CHCHD3: variants seen among roughly 807,000 people sequenced by gnomAD.
The protein encoded by CHCHD3 is MICOS complex subunit MIC19.
In CHCHD3, 20 loss-of-function variants were observed where a neutral mutation model predicts 38.2. The ratio of observed to expected loss-of-function variants is 0.52; its 90% CI spans 0.37 to 0.76. The LOEUF is 0.76. Ranked by LOEUF, CHCHD3 falls within the 30% of genes least tolerant of loss-of-function variation. CHCHD3 has a pLI of 0.00. For missense variants in CHCHD3, 245 were observed against 279.2 expected (o/e 0.88, Z 0.87); for synonymous variants, 82 against 100.0 (o/e 0.82, Z 1.07).
rs201223909 is a variant in CHCHD3 at position 133,070,098 on chromosome 7, A to G, written c.169+44T>C. Reference sequence around the variant, plus strand: ...ACTATTGAGTCAACTTTTTCCACTTATAATTTATCTCCTAAAAACCCTAAA... The same window carrying G: ...ACTATTGAGTCAACTTTTTCCACTTGTAATTTATCTCCTAAAAACCCTAAA... On this transcript the variant is annotated intron_variant, in intron 2 of 7. Transcript: ENST00000262570. 9 of 1,464,978 alleles carry G rather than the reference A, an allele frequency of 6.1e-6. No homozygotes were observed. The East Asian group carries it at 2.1e-4, about 33-fold the overall frequency. The allele number at this position is 1,464,978 out of a possible 1,614,324, so 90.7% of individuals were successfully genotyped here.
chr7:132,965,441 T>G (rs1037032643), intron 4 of CHCHD3, among the ~76,000 whole-genome samples: 11 of 148,136 alleles, frequency 7.4e-5, no homozygotes, highest in African/African-American at 2.7e-4. Context: ...AGTTGAAGGC[T>G]CTTAGTTAAA....
At chr7:133,067,255 C>T (rs576150066) in intron 2 of CHCHD3, among the ~76,000 whole-genome samples, 11 of 151,246 alleles carry the variant, frequency 7.3e-5, no homozygotes, top group South Asian at 4.2e-4. Context: ...ACGCTAACTC[C>T]GTAACACAGG....
intron 2 of CHCHD3, among the ~76,000 whole-genome samples, chr7:133,032,810 A>T (rs999628192): frequency 4.6e-5 from 7 of 152,188 alleles, no homozygotes; most frequent in African/African-American, 1.7e-4. Flanking sequence ...TAAGATCTAT[A>T]ATTTAAATTA....
chr7:132,862,530 G>T (rs1048572797), intron 5 of CHCHD3, among the ~76,000 whole-genome samples: 10 of 152,150 alleles, frequency 6.6e-5, no homozygotes, highest in Admixed American at 4.6e-4. Context: ...CTGGTGGAGG[G>T]TCTTATCTCG....
At chr7:132,802,249 G>A (rs183704447) in intron 6 of CHCHD3, among the ~76,000 whole-genome samples, 20 of 152,238 alleles carry the variant, frequency 1.3e-4, no homozygotes, top group African/African-American at 3.4e-4. Context: ...ATGTGGCCAC[G>A]TGACAGCTGG....
intron 4 of CHCHD3, among the ~76,000 whole-genome samples, chr7:132,904,862 C>CATT (rs1416735771): frequency 6.6e-6 from 1 of 152,122 alleles, no homozygotes; most frequent in African/African-American, 2.4e-5. Flanking sequence ...CAATGATAGA[C>CATT]TGGATTAAGA....
chr7:132,864,752 C>A (rs1445074440), intron 5 of CHCHD3, among the ~76,000 whole-genome samples: 2 of 152,000 alleles, frequency 1.3e-5, no homozygotes, highest in East Asian at 3.9e-4. Flanking sequence ...TCTTTCCATG[C>A]CGAGATATGT....
intron 4 of CHCHD3, among the ~76,000 whole-genome samples, chr7:132,918,302 C>G (rs1228104365): frequency 6.6e-6 from 1 of 152,138 alleles, no homozygotes; most frequent in African/African-American, 2.4e-5. Flanking sequence ...TCATGGGCTA[C>G]CCAGGCTTTA....
At chr7:132,849,797 T>C (rs1355685798) in intron 5 of CHCHD3, among the ~76,000 whole-genome samples, 1 of 152,182 alleles carries the variant, frequency 6.6e-6, no homozygotes, top group African/African-American at 2.4e-5. Flanking sequence ...GCCTGCAATG[T>C]TGATGTGATG....
intron 6 of CHCHD3, among the ~76,000 whole-genome samples, chr7:132,803,553 G>A (rs1380050329): frequency 6.6e-6 from 1 of 151,878 alleles, no homozygotes; most frequent in Non-Finnish European, 1.5e-5. Flanking sequence ...GAGGCTTTGT[G>A]AGTTATTTCC....
At chr7:132,966,156 T>C (rs1470156442) in intron 4 of CHCHD3, among the ~76,000 whole-genome samples, 3 of 152,218 alleles carry the variant, frequency 2.0e-5, no homozygotes, top group Non-Finnish European at 2.9e-5. Flanking sequence ...AAATGAGGTA[T>C]GTAATAAATA....
chr7:132,995,094 T>A (rs960503081), intron 3 of CHCHD3, among the ~76,000 whole-genome samples: 4 of 152,242 alleles, frequency 2.6e-5, no homozygotes, highest in South Asian at 2.1e-4. Flanking sequence ...CTAGATTTTT[T>A]AATTTTCACC....
intron 4 of CHCHD3, among the ~76,000 whole-genome samples, chr7:132,909,323 G>A (rs1204782942): frequency 2.6e-5 from 4 of 151,960 alleles, no homozygotes; most frequent in East Asian, 3.9e-4. Context: ...GTGAAACCCC[G>A]TCTCTAATAA....
chr7:132,893,356 C>T (rs991246921), intron 4 of CHCHD3, among the ~76,000 whole-genome samples: 4 of 152,146 alleles, frequency 2.6e-5, no homozygotes, highest in African/African-American at 7.2e-5. Flanking sequence ...GGAATGAGAG[C>T]GCTTACCCAA....
intron 5 of CHCHD3, chr7:132,844,923 C>G (rs541145781): frequency 1.4e-4 from 21 of 152,338 alleles, no homozygotes; most frequent in African/African-American, 4.6e-4. Context: ...CAATCTAAGG[C>G]ACCATGGATC....
chr7:133,046,179 G>T (rs1181951735), intron 2 of CHCHD3, among the ~76,000 whole-genome samples: 1 of 152,150 alleles, frequency 6.6e-6, no homozygotes, highest in Non-Finnish European at 1.5e-5. Context: ...TTATAAACAT[G>T]AGAGACCGGT....
chr7:132,842,784 C>T (rs780102446), intron 5 of CHCHD3, among the ~76,000 whole-genome samples: 32 of 152,264 alleles, frequency 2.1e-4, no homozygotes, highest in Admixed American at 9.2e-4. Flanking sequence ...ATTTCAGGGG[C>T]TACCTTATGG....
chr7:132,803,549 T>C (rs922994950), intron 6 of CHCHD3, among the ~76,000 whole-genome samples: 8 of 151,998 alleles, frequency 5.3e-5, no homozygotes, highest in Non-Finnish European at 7.4e-5. Context: ...CCTCGAGGCT[T>C]TGTGAGTTAT....
chr7:132,927,102 C>A (rs968855385), intron 4 of CHCHD3, among the ~76,000 whole-genome samples: 1 of 152,162 alleles, frequency 6.6e-6, no homozygotes, highest in Admixed American at 6.5e-5. Flanking sequence ...TACATATAAA[C>A]CCATGCCCCC....
Sources: allele counts gnomAD v4.1 joint callset (sites outside exome capture counted in the v4.1 genomes callset), GRCh38; gene constraint gnomAD v4.1.1; transcripts MANE v1.5; gene names NCBI Gene and HGNC (gene_info 2026-07-23, HGNC 2026-07-21).